Variants in PSMF1 observed in about 807,000 individuals in gnomAD.
PSMF1 encodes the protein proteasome inhibitor PI31 subunit.
A neutral mutation model predicts 29.3 loss-of-function variants in PSMF1; 30 were observed. The ratio of observed to expected loss-of-function variants is 1.02; its 90% CI spans 0.77 to 1.39. PSMF1 has a LOEUF of 1.39. PSMF1 is among the 40% of genes most tolerant of loss of function. The pLI is 0.00. For missense variants in PSMF1, 344 were observed against 357.5 expected (o/e 0.96, Z 0.31); for synonymous variants, 134 against 139.7 (o/e 0.96, Z 0.29).
At chr20:1,134,751 T>A in intron 3 of PSMF1, 1 of 340,580 alleles carries the variant, frequency 2.9e-6, no homozygotes, top group Non-Finnish European at 5.7e-6. Flanking sequence ...GCCTTTGCCT[T>A]CCATGACCCT....
At chr20:1,135,097 T>C (rs773668066) in intron 3 of PSMF1, 24 bp from the exon 4 acceptor site, 2 of 1,613,710 alleles carry the variant, frequency 1.2e-6, no homozygotes, top group African/African-American at 1.3e-5. Flanking sequence ...TGCAAGCAGT[T>C]GACTCTTCAT....
Position 1,165,318 on chromosome 20 carries a change from C to A in PSMF1, c.*238C>A. On this transcript the variant is annotated 3_prime_UTR_variant, in exon 7 of 7. Coordinates refer to ENST00000335877, the MANE Select transcript of PSMF1 (RefSeq NM_006814.5). ...AGTGTGTCTCTTTCACCATCAGCTCCTCCCCTTTCACCACCAGCTCCTCTC... is the reference window on the plus strand; with the variant it reads ...AGTGTGTCTCTTTCACCATCAGCTCATCCCCTTTCACCACCAGCTCCTCTC... 1 of 1,397,436 alleles carries A rather than the reference C, an allele frequency of 7.2e-7. No homozygotes were observed. The highest frequency in any genetic ancestry group is 9.3e-7 in the Non-Finnish European group (1 of 1,078,726). The allele number at this position is 1,397,436 out of a possible 1,614,324, so 86.6% of individuals were successfully genotyped here.
chr20:1,165,843 G>C lies in PSMF1; in HGVS notation c.*763G>C, dbSNP rs1421421770. The C allele has an allele frequency of 1.8e-6, 2 of 1,113,226 alleles. No homozygotes were observed. The highest frequency in any genetic ancestry group is 2.2e-6 in the Non-Finnish European group (2 of 906,030). The allele number at this position is 1,113,226 out of a possible 1,614,324, so 69.0% of individuals were successfully genotyped here. A position where few individuals can be genotyped will look rare whatever the true frequency, so the allele number is the denominator to read the frequency against. On this transcript the variant is annotated 3_prime_UTR_variant, in exon 7 of 7. Coordinates refer to ENST00000335877, the MANE Select transcript of PSMF1 (RefSeq NM_006814.5). ...TAGTCAAAAAGCCAAGGAAAAAACA[G>C]AGCAGACCTGAAGGCTAATCTTATT...
At position 1,164,228 on chromosome 20, in the gene PSMF1, G is replaced by C. The variant is rs2086700454; in HGVS notation, c.606-90G>C. 1.0e-5 allele frequency: 14 copies of C among 1,335,408 alleles called. 1 individual carries two copies. In the Admixed American group the frequency reaches 2.4e-4, roughly 23 times the overall value. The allele number at this position is 1,335,408 out of a possible 1,614,324, so 82.7% of individuals were successfully genotyped here. A position where few individuals can be genotyped will look rare whatever the true frequency, so the allele number is the denominator to read the frequency against. On this transcript the variant is annotated intron_variant, in intron 5 of 6. Coordinates refer to ENST00000335877, the MANE Select transcript of PSMF1 (RefSeq NM_006814.5). This position sits in a 1 kb window ranked among gnomAD's most constrained non-coding sequence, Gnocchi z 4.1. The stretch of plus-strand genomic sequence containing the variant: ...TGGGCCATCCAGAGTAGACATCCCA[G>C]CCATTCTTGGTGCATTGTAACCTCC...
At position 1,163,161 on chromosome 20, in the gene PSMF1, G is replaced by C; in HGVS notation, c.583G>C (p.Gly195Arg). 4.3e-6 allele frequency: 7 copies of C among 1,614,174 alleles called. No homozygotes were observed. Among genetic ancestry groups the C allele is most frequent in the Non-Finnish European group, 5.9e-6 (7 of 1,180,030 alleles). ...CDPLGPFVVGGEDLDPFGPRR... is the reference protein window; with the variant it reads ...CDPLGPFVVGREDLDPFGPRR... ...TCCCCTGGGCCCGTTTGTTGTCGGG[G>C]GAGAAGACTTAGACCCTTTTGGGTG... is the stretch of plus-strand genomic sequence containing the variant. The change falls in exon 5 of 7, where the codon GGA becomes CGA. Residue 195 changes from glycine (G) to arginine (R), a missense_variant. Physicochemically the swap from Gly to Arg is moderately radical, Grantham distance 125 (BLOSUM62 -2). Coordinates refer to ENST00000335877, the MANE Select transcript of PSMF1 (RefSeq NM_006814.5). This position sits in a 1 kb window ranked among gnomAD's most constrained non-coding sequence, Gnocchi z 6.1.
At chr20:1,119,885 C>T (rs906187731) in intron 1 of PSMF1, among the ~76,000 whole-genome samples, 1 of 152,180 alleles carries the variant, frequency 6.6e-6, no homozygotes, top group Non-Finnish European at 1.5e-5. Context: ...GACCACCCCA[C>T]CTATTGCATC....
intron 3 of PSMF1, 126 bp from the exon 4 acceptor site, chr20:1,134,995 T>C (rs779938284): frequency 2.2e-6 from 2 of 927,274 alleles, no homozygotes; most frequent in Non-Finnish European, 1.7e-6. Flanking sequence ...CCCCCACTTA[T>C]AAACAGGCCA....
rs191648675 is a variant in PSMF1 at position 1,140,494 on chromosome 20, A to G, written c.551+5188A>G. Among the ~76,000 whole-genome samples the G allele has an allele frequency of 1.2e-3, 182 of 152,328 alleles. 1 individual carries two copies. Among genetic ancestry groups the G allele is most frequent in the Admixed American group, 2.1e-3 (32 of 15,310 alleles). ...AACTATAAAATTTCTAGACCTAGAAATAAGTCTACCTTGGGTAGTCTTATT... is the reference window on the plus strand; with the variant it reads ...AACTATAAAATTTCTAGACCTAGAAGTAAGTCTACCTTGGGTAGTCTTATT... On this transcript the variant is annotated intron_variant, in intron 4 of 6. Coordinates refer to ENST00000335877, the MANE Select transcript of PSMF1 (RefSeq NM_006814.5).
chr20:1,141,931 CAGAT>C (rs1198035068), intron 4 of PSMF1, among the ~76,000 whole-genome samples: 1 of 152,188 alleles, frequency 6.6e-6, no homozygotes, highest in Non-Finnish European at 1.5e-5. Flanking sequence ...AACAACTACT[CAGAT>C]AGGCTGGGCA....
At position 1,168,955 on chromosome 20, in the gene PSMF1, C is replaced by T. The variant is rs949549334; in HGVS notation, c.*3875C>T. On this transcript the variant is annotated 3_prime_UTR_variant, in exon 7 of 7. Coordinates refer to ENST00000335877, the MANE Select transcript of PSMF1 (RefSeq NM_006814.5). ...GACTTTTTGCACCAAAGGAGATATTCAAGGACAGACATCCAAGTCCCCAGC... is the reference window on the plus strand; with the variant it reads ...GACTTTTTGCACCAAAGGAGATATTTAAGGACAGACATCCAAGTCCCCAGC... Among the ~76,000 whole-genome samples, 1 of 152,118 alleles carries T rather than the reference C, an allele frequency of 6.6e-6. No homozygotes were observed. The highest frequency in any genetic ancestry group is 2.4e-5 in the African/African-American group (1 of 41,414).
At chr20:1,140,334 A>G (rs1379312316) in intron 4 of PSMF1, among the ~76,000 whole-genome samples, 1 of 152,222 alleles carries the variant, frequency 6.6e-6, no homozygotes, top group African/African-American at 2.4e-5. Context: ...CAAGGTTGCC[A>G]AGACAATTTA....
At chr20:1,139,243 G>T (rs554901335) in intron 4 of PSMF1, among the ~76,000 whole-genome samples, 1 of 152,192 alleles carries the variant, frequency 6.6e-6, no homozygotes, top group African/African-American at 2.4e-5. Flanking sequence ...CCAATAAAGA[G>T]CATCTACAAA....
Position 1,166,220 on chromosome 20 carries a change from T to G in PSMF1, c.*1140T>G, listed in dbSNP as rs544799253. The G allele has an allele frequency of 8.1e-6, 13 of 1,612,000 alleles. No individual in the cohort carries two copies. In the African/African-American group the frequency reaches 1.3e-4, roughly 17 times the overall value. The stretch of plus-strand genomic sequence containing the variant: ...CTGACCTTTGGTGTTCTCCGGATCC[T>G]TTTCAGCCCGAGGCCTGACAGACGC... On this transcript the variant is annotated 3_prime_UTR_variant, in exon 7 of 7. Coordinates refer to ENST00000335877, the MANE Select transcript of PSMF1 (RefSeq NM_006814.5).
chr20:1,153,355 G>C (rs548389653), intron 4 of PSMF1, among the ~76,000 whole-genome samples: 2 of 152,042 alleles, frequency 1.3e-5, no homozygotes, highest in East Asian at 3.9e-4. Flanking sequence ...ACTAAGGTCC[G>C]TATCCCTCTC....
Position 1,135,159 on chromosome 20 carries a change from TGTCTGGAATCATCACACCTATCCATG to T in PSMF1, c.405_430del (p.Ser136AlafsTer6). 1.2e-6 allele frequency: 2 copies of T among 1,614,158 alleles called. No individual in the cohort carries two copies. Among genetic ancestry groups the T allele is most frequent in the Non-Finnish European group, 1.7e-6 (2 of 1,180,036 alleles). On this transcript the variant is annotated frameshift_variant, in exon 4 of 7. Coordinates refer to ENST00000335877, the MANE Select transcript of PSMF1 (RefSeq NM_006814.5). LOFTEE classifies it high-confidence loss of function. ...AGTGAGGAGCTTCGGTCTCGTATTG[TGTCTGGAATCATCACACCTATCCATG>T]AGCAGTGGGAAAAGGCTAATGTAAG...
Position 1,166,332 on chromosome 20 carries a change from C to A in PSMF1, c.*1252C>A. ...ACGAGATCAAGGCGGTAGTCACTTC[C>A]GCTCTGCAGCTAGCATTTCAACCAT... On this transcript the variant is annotated 3_prime_UTR_variant, in exon 7 of 7. Coordinates refer to ENST00000335877, the MANE Select transcript of PSMF1 (RefSeq NM_006814.5). The A allele has an allele frequency of 1.4e-6, 2 of 1,399,310 alleles. No homozygotes were observed. The highest frequency in any genetic ancestry group is 2.4e-5 in the East Asian group (1 of 42,528). 86.7% of individuals were successfully genotyped at this position (1,399,310 alleles called of 1,614,324 possible). A position where few individuals can be genotyped will look rare whatever the true frequency, so the allele number is the denominator to read the frequency against.
intron 4 of PSMF1, chr20:1,160,658 C>T (rs1448975061): frequency 1.4e-5 from 7 of 507,486 alleles, no homozygotes; most frequent in African/African-American, 7.8e-5. Flanking sequence ...CTGGGGACGA[C>T]GCCCCTGGAA....
chr20:1,132,520 C>T (rs2086243477), intron 3 of PSMF1, among the ~76,000 whole-genome samples: 1 of 152,028 alleles, frequency 6.6e-6, no homozygotes, highest in Non-Finnish European at 1.5e-5. Context: ...CGTGACCCAC[C>T]CATCTTAGCC....
Position 1,125,500 on chromosome 20 carries a change from G to A in PSMF1, c.132G>A (p.Pro44=), listed in dbSNP as rs35517343. 8.9e-4 allele frequency: 1,431 copies of A among 1,605,752 alleles called. 7 individuals carry two copies. The African/African-American group carries it at 0.014, about 15-fold the overall frequency. Residue 44 remains proline (P), a splice_region_variant and synonymous_variant, in exon 2 of 7, where the codon CCG becomes CCA. Transcript: ENST00000335877. The part of the protein sequence containing the change: ...GYFGLGVGDQ[P]GPNDKKSELL... ...CCTCTCAACTGTGGTCTTCCCAGCC[G>A]GGTCCCAATGATAAGAAGTCAGAAC...
Sources: gnomAD v4.1 joint callset for allele counts (sites outside exome capture counted in the v4.1 genomes callset) on GRCh38, gnomAD v4.1.1 for gene constraint, Gnocchi (gnomAD v3.1) non-coding constraint, MANE v1.5 for transcripts, NCBI Gene and HGNC (gene_info 2026-07-23, HGNC 2026-07-21) for gene names.